LARS1: variants seen among roughly 807,000 people sequenced by gnomAD.
LARS1 encodes the protein leucine--tRNA ligase, cytoplasmic.
In LARS1, 100 loss-of-function variants were observed where a neutral mutation model predicts 162.8. The ratio of observed to expected loss-of-function variants is 0.61; its 90% CI spans 0.52 to 0.73. The LOEUF is 0.73. Ranked by LOEUF, LARS1 falls within the 30% of genes least tolerant of loss-of-function variation. The pLI, the probability that LARS1 is intolerant of heterozygous loss-of-function variation, is 0.00. For missense variants in LARS1, 1,258 were observed against 1,408.9 expected (o/e 0.89, Z 1.71); for synonymous variants, 457 against 462.8 (o/e 0.99, Z 0.16).
At chr5:146,170,785 A>G (rs1171643572) in intron 4 of LARS1, among the ~76,000 whole-genome samples, 5 of 151,622 alleles carry the variant, frequency 3.3e-5, no homozygotes, top group Non-Finnish European at 4.4e-5. Context: ...ACCTGAGGTC[A>G]GGAGTTTGAA....
At chr5:146,153,588 A>G in intron 12 of LARS1, 146 bp downstream of exon 12, 2 of 651,066 alleles carry the variant, frequency 3.1e-6, no homozygotes, top group Non-Finnish European at 5.4e-6. Context: ...AACCACAGAA[A>G]ATATATTAAC....
intron 23 of LARS1, chr5:146,132,686 T>C (rs920931612): frequency 2.9e-5 from 12 of 414,290 alleles, no homozygotes; most frequent in Non-Finnish European, 4.2e-5. Context: ...AATATCTGTA[T>C]TAAATAAGGT....
chr5:146,127,594 C>T (rs1752098747), intron 27 of LARS1, among the ~76,000 whole-genome samples: 1 of 152,094 alleles, frequency 6.6e-6, no homozygotes, highest in African/African-American at 2.4e-5. Context: ...GGTTCTTCCA[C>T]TGCTTCCTTG....
chr5:146,140,303 A>T, intron 20 of LARS1, 42 bp from the exon 21 acceptor site: 1 of 1,521,694 alleles, frequency 6.6e-7, no homozygotes. Flanking sequence ...AAAAAAACAA[A>T]GATGATAGTT....
At chr5:146,149,827 T>C (rs963368250) in intron 14 of LARS1, 128 bp from the exon 15 acceptor site, 1 of 677,072 alleles carries the variant, frequency 1.5e-6, no homozygotes, top group African/African-American at 1.8e-5. Flanking sequence ...AAATTTATCA[T>C]ATTTACAACG....
intron 31 of LARS1, among the ~76,000 whole-genome samples, chr5:146,116,848 C>A (rs1358216944): frequency 4.6e-5 from 7 of 152,186 alleles, no homozygotes; most frequent in Non-Finnish European, 1.0e-4. Context: ...ACAACTGGCA[C>A]TAATTGGACA....
Position 146,133,091 on chromosome 5 carries a change from G to GAAA in LARS1, c.2213-13_2213-11dup. On this transcript the variant is annotated splice_polypyrimidine_tract_variant and intron_variant, in intron 22 of 31. Coordinates refer to ENST00000394434, the MANE Select transcript of LARS1 (RefSeq NM_020117.11). ...AGAGCCAAACGCATTCCTGGAAGAA[G>GAAA]AAAAAAAAATTCAATGCATTAAAAA... 6.3e-7 allele frequency: 1 copy of GAAA among 1,595,636 alleles called. No homozygotes were observed. Among genetic ancestry groups the GAAA allele is most frequent in the Non-Finnish European group, 8.5e-7 (1 of 1,172,144 alleles).
chr5:146,153,331 T>C (rs1354426498), intron 12 of LARS1, 104 bp from the exon 13 acceptor site: 1 of 839,726 alleles, frequency 1.2e-6, no homozygotes, highest in East Asian at 2.5e-5. Flanking sequence ...TTAAAGTTTC[T>C]ATTTGTTCTC....
chr5:146,175,088 G>A (rs11957888), intron 2 of LARS1, among the ~76,000 whole-genome samples: 33,801 of 151,690 alleles, frequency 0.22, 4,822 homozygotes, highest in Admixed American at 0.34. Flanking sequence ...GTGTGGTGGC[G>A]TGCGCCTACA....
rs1005700937 is a variant in LARS1 at position 146,153,938 on chromosome 5, T to C, written c.1108A>G (p.Lys370Glu). ...ASLSAPLTSY[K>E]VIYVLPMLTI... is the part of the protein sequence containing the mutation. ...AGCATTGGGAGAACATAGATCACCT[T>C]GTATGATGTTAAAGGTGCAGAAAGT... is the stretch of plus-strand genomic sequence containing the variant. The change falls in exon 11 of 32, where the codon AAG becomes GAG. Residue 370 changes from lysine (K) to glutamate (E), a missense_variant. By Grantham distance (56) the Lys-to-Glu change is moderately conservative. Transcript: ENST00000394434. The C allele has an allele frequency of 6.2e-7, 1 of 1,612,060 alleles. No homozygotes were observed. Among genetic ancestry groups the C allele is most frequent in the South Asian group, 1.1e-5 (1 of 90,856 alleles).
At chr5:146,134,856 C>T (rs1752438594) in intron 22 of LARS1, among the ~76,000 whole-genome samples, 1 of 152,078 alleles carries the variant, frequency 6.6e-6, no homozygotes, top group East Asian at 1.9e-4. Context: ...GGCTGAGGCA[C>T]AAGAATCGCT....
At chr5:146,165,673 G>C (rs1177101287) in intron 5 of LARS1, among the ~76,000 whole-genome samples, 2 of 152,176 alleles carry the variant, frequency 1.3e-5, no homozygotes, top group Non-Finnish European at 2.9e-5. Flanking sequence ...CACACTCAAG[G>C]GGGAGGGAAG....
chr5:146,126,913 T>C (rs1000242695), intron 27 of LARS1, among the ~76,000 whole-genome samples: 9 of 152,124 alleles, frequency 5.9e-5, no homozygotes, highest in Admixed American at 3.9e-4. Context: ...GTTTATATAA[T>C]GTCTGCTTTT....
chr5:146,175,039 C>G (rs1445828533), intron 2 of LARS1, among the ~76,000 whole-genome samples: 1 of 152,060 alleles, frequency 6.6e-6, no homozygotes, highest in African/African-American at 2.4e-5. Context: ...AGCAACATAA[C>G]AAGACCCCAT....
intron 2 of LARS1, among the ~76,000 whole-genome samples, chr5:146,175,134 A>T (rs1477189959): frequency 1.3e-5 from 2 of 151,936 alleles, no homozygotes; most frequent in Non-Finnish European, 2.9e-5. Context: ...TGAGAGGATC[A>T]CCTGAGCCCA....
chr5:146,123,948 G>A (rs755453503), intron 29 of LARS1, 34 bp downstream of exon 29: 2 of 1,133,048 alleles, frequency 1.8e-6, no homozygotes, highest in Admixed American at 1.8e-5. Flanking sequence ...TTTAACTACA[G>A]TTAACTGGTT....
At chr5:146,132,598 A>G in intron 23 of LARS1, 1 of 211,460 alleles carries the variant, frequency 4.7e-6, no homozygotes, top group Non-Finnish European at 9.3e-6. Flanking sequence ...CAAGTTTGCA[A>G]CTACTAGCTT....
intron 1 of LARS1, 57 bp from the exon 2 acceptor site, chr5:146,177,722 A>T: frequency 1.1e-6 from 1 of 879,676 alleles, no homozygotes; most frequent in South Asian, 1.5e-5. Flanking sequence ...GCTTTAAAAA[A>T]GAATTGGGTT....
intron 14 of LARS1, among the ~76,000 whole-genome samples, chr5:146,150,358 G>T (rs1055279059): frequency 3.3e-5 from 5 of 152,130 alleles, no homozygotes; most frequent in Non-Finnish European, 7.4e-5. Context: ...AGGTAGAAAA[G>T]ACATGCATTC....
Sources: gnomAD v4.1 joint callset for allele counts (sites outside exome capture counted in the v4.1 genomes callset) on GRCh38, gnomAD v4.1.1 for gene constraint, MANE v1.5 for transcripts, NCBI Gene and HGNC (gene_info 2026-07-23, HGNC 2026-07-21) for gene names.